Variants in CNTNAP2 observed in about 807,000 individuals in gnomAD.
The protein encoded by CNTNAP2 is contactin associated protein 2.
In CNTNAP2, 98 loss-of-function variants were observed where a neutral mutation model predicts 155.2. The ratio of observed to expected loss-of-function variants is 0.63; its 90% CI spans 0.54 to 0.75. The LOEUF is 0.75. CNTNAP2 is among the 30% of genes least tolerant of loss of function. CNTNAP2 has a pLI of 0.00. For missense variants in CNTNAP2, 1,727 were observed against 1,688.1 expected (o/e 1.02, Z -0.40); for synonymous variants, 651 against 631.2 (o/e 1.03, Z -0.47).
chr7:146,371,578 C>T (rs1219340595), intron 1 of CNTNAP2, among the ~76,000 whole-genome samples: 1 of 151,804 alleles, frequency 6.6e-6, no homozygotes, highest in Middle Eastern at 3.4e-3. Flanking sequence ...GGGGTTTCAC[C>T]ATGGTCTCGA....
intron 13 of CNTNAP2, among the ~76,000 whole-genome samples, chr7:147,811,591 C>T (rs1045360959): frequency 2.0e-5 from 3 of 152,096 alleles, no homozygotes; most frequent in East Asian, 1.9e-4. Flanking sequence ...TTTAAATAAT[C>T]GTTACTGTAT....
At chr7:147,856,120 C>CAGGTACATT (rs1799033661) in intron 13 of CNTNAP2, among the ~76,000 whole-genome samples, 1 of 152,152 alleles carries the variant, frequency 6.6e-6, no homozygotes, top group African/African-American at 2.4e-5. Context: ...AACGCAGAAA[C>CAGGTACATT]AGGTACATTT....
At position 146,824,211 on chromosome 7, in the gene CNTNAP2, T is replaced by C. The variant is rs143226677; in HGVS notation, c.209-15500T>C. Among the ~76,000 whole-genome samples the C allele has an allele frequency of 2.7e-3, 407 of 152,328 alleles. 3 individuals are homozygous for C. Among genetic ancestry groups the C allele is most frequent in the African/African-American group, 9.2e-3 (382 of 41,572 alleles). ...TTTATCCATGTCCCTGCAAAGGACA[T>C]GAACTCATTCTTTTTTATGGCTGCA... On this transcript the variant is annotated intron_variant, in intron 2 of 23. Coordinates refer to ENST00000361727, the MANE Select transcript of CNTNAP2 (RefSeq NM_014141.6).
At chr7:147,731,003 G>C (rs965535458) in intron 13 of CNTNAP2, among the ~76,000 whole-genome samples, 1 of 152,094 alleles carries the variant, frequency 6.6e-6, no homozygotes, top group Non-Finnish European at 1.5e-5. Context: ...CTCTGTGAAG[G>C]CTCAGAGAAG....
intron 3 of CNTNAP2, among the ~76,000 whole-genome samples, chr7:146,998,552 G>A (rs751709216): frequency 3.9e-5 from 6 of 151,906 alleles, no homozygotes; most frequent in Admixed American, 6.6e-5. Context: ...TATTCATTTA[G>A]TCAGTAGGAC....
intron 3 of CNTNAP2, among the ~76,000 whole-genome samples, chr7:146,871,352 G>A (rs1465124415): frequency 2.0e-5 from 3 of 151,946 alleles, no homozygotes; most frequent in East Asian, 3.9e-4. Context: ...CTAAAATGAT[G>A]AAACCCCATC....
chr7:146,958,407 G>GTTTTTTTTTTT (rs71165054), intron 3 of CNTNAP2, among the ~76,000 whole-genome samples: 5 of 78,032 alleles, frequency 6.4e-5, no homozygotes, highest in Admixed American at 1.8e-4. Context: ...CATTTTTATG[G>GTTTTTTTTTTT]TTTTTTTTTT....
chr7:146,976,719 G>A (rs1797918466), intron 3 of CNTNAP2, among the ~76,000 whole-genome samples: 1 of 152,054 alleles, frequency 6.6e-6, no homozygotes, highest in Non-Finnish European at 1.5e-5. Context: ...AGATTGCATT[G>A]GACAGGCATG....
chr7:148,108,671 A>G (rs7791252), intron 15 of CNTNAP2, among the ~76,000 whole-genome samples: 48,289 of 152,052 alleles, frequency 0.32, 9,893 homozygotes, highest in East Asian at 0.67. Context: ...GCAGAGAGGA[A>G]GATGGTGGGT....
intron 9 of CNTNAP2, among the ~76,000 whole-genome samples, chr7:147,304,701 A>T (rs900535472): frequency 2.6e-5 from 4 of 152,178 alleles, no homozygotes; most frequent in African/African-American, 9.7e-5. Context: ...TTGATAGGAT[A>T]GGATTTGTGT....
At chr7:146,558,514 T>G (rs1798230759) in intron 1 of CNTNAP2, among the ~76,000 whole-genome samples, 1 of 152,146 alleles carries the variant, frequency 6.6e-6, no homozygotes, top group Admixed American at 6.5e-5. Flanking sequence ...CTTGAAGCCA[T>G]CACCACAATC....
At chr7:147,417,793 C>A (rs1797221630) in intron 10 of CNTNAP2, among the ~76,000 whole-genome samples, 1 of 151,856 alleles carries the variant, frequency 6.6e-6, no homozygotes, top group African/African-American at 2.4e-5. Flanking sequence ...GAGCCCCAGG[C>A]AAGAAAGAAA....
intron 13 of CNTNAP2, among the ~76,000 whole-genome samples, chr7:147,852,899 C>G (rs936359111): frequency 2.0e-5 from 3 of 152,152 alleles, no homozygotes; most frequent in Non-Finnish European, 4.4e-5. Context: ...CCTCTCTCTG[C>G]TTTTCTTTTT....
intron 1 of CNTNAP2, among the ~76,000 whole-genome samples, chr7:146,486,582 T>C (rs1488575034): frequency 4.6e-5 from 7 of 152,122 alleles, no homozygotes; most frequent in Admixed American, 3.9e-4. Context: ...TCTGGGTGGA[T>C]TGGGTAAGTC....
chr7:147,487,189 A>G (rs1418135773), intron 11 of CNTNAP2, among the ~76,000 whole-genome samples: 5 of 152,160 alleles, frequency 3.3e-5, no homozygotes, highest in African/African-American at 7.2e-5. Flanking sequence ...AAAGTTGCAC[A>G]CATTTATTTG....
At chr7:148,261,735 G>A (rs1287688914) in intron 20 of CNTNAP2, among the ~76,000 whole-genome samples, 1 of 152,244 alleles carries the variant, frequency 6.6e-6, no homozygotes, top group African/African-American at 2.4e-5. Context: ...TCAGACACAC[G>A]TCCAGAGGTC....
At chr7:147,118,805 T>A (rs972794338) in intron 5 of CNTNAP2, among the ~76,000 whole-genome samples, 4 of 152,194 alleles carry the variant, frequency 2.6e-5, no homozygotes, top group African/African-American at 9.6e-5. Context: ...CACCATTATA[T>A]ATGAAGCCCA....
intron 3 of CNTNAP2, among the ~76,000 whole-genome samples, chr7:146,843,271 C>G (rs1254248345): frequency 3.3e-5 from 5 of 149,386 alleles, no homozygotes; most frequent in Non-Finnish European, 5.9e-5. Context: ...CTCGGCCTCC[C>G]AAAGTGCTGG....
intron 1 of CNTNAP2, among the ~76,000 whole-genome samples, chr7:146,497,728 T>G (rs1047455140): frequency 2.6e-4 from 40 of 151,208 alleles, no homozygotes; most frequent in Non-Finnish European, 3.0e-5. Context: ...AAATGATTTT[T>G]TTATTTATTC....
Sources: allele counts gnomAD v4.1 joint callset (sites outside exome capture counted in the v4.1 genomes callset), GRCh38; gene constraint gnomAD v4.1.1; transcripts MANE v1.5; gene names NCBI Gene and HGNC (gene_info 2026-07-23, HGNC 2026-07-21).